ATP2B3: variants seen among roughly 807,000 people sequenced by gnomAD.
ATP2B3 encodes plasma membrane calcium-transporting ATPase 3.
ATP2B3 carries 12 observed loss-of-function variants against 70.8 expected under a neutral mutation model. That is an observed-to-expected ratio of 0.17 (90% CI 0.11 to 0.27). ATP2B3 has a LOEUF of 0.27. Among genes scored for constraint, ATP2B3 ranks in the 10% least tolerant of loss-of-function variants. The probability of loss-of-function intolerance (pLI) is 1.00; values close to 1 mark genes in which losing one functional copy is unlikely to be tolerated. For synonymous variants in ATP2B3, 460 were observed against 497.8 expected (o/e 0.92, Z 1.01); for missense variants, 858 against 1,118.5 (o/e 0.77, Z 3.32).
chrX:153,554,938 C>T (rs1603086895), intron 13 of ATP2B3, among the ~76,000 whole-genome samples: 1 of 112,177 alleles, frequency 8.9e-6, no homozygotes, highest in East Asian at 2.8e-4. Flanking sequence ...GGCCTGGGTT[C>T]GCAGCTGCTG....
chrX:153,543,816 T>C (rs2090323469), intron 7 of ATP2B3, among the ~76,000 whole-genome samples: 1 of 113,046 alleles, frequency 8.8e-6, no homozygotes, highest in Non-Finnish European at 1.9e-5. Flanking sequence ...GCAGCCTTGC[T>C]CTGGCCTGGA....
intron 2 of ATP2B3, among the ~76,000 whole-genome samples, chrX:153,519,646 G>A (rs1466320706): frequency 8.9e-6 from 1 of 112,826 alleles, no homozygotes; most frequent in African/African-American, 3.2e-5. Context: ...GAACGGGCTG[G>A]GAACTTGTGG....
At chrX:153,527,051 G>A (rs906312804) in intron 2 of ATP2B3, among the ~76,000 whole-genome samples, 40 of 112,308 alleles carry the variant, frequency 3.6e-4, no homozygotes, top group African/African-American at 1.2e-3. Flanking sequence ...CTTAGCCCAG[G>A]GCCCACAGCC....
At chrX:153,558,751 G>A (rs1393987844) in intron 17 of ATP2B3, among the ~76,000 whole-genome samples, 1 of 112,176 alleles carries the variant, frequency 8.9e-6, no homozygotes. Flanking sequence ...CATAGGGCAG[G>A]ACTTTCTGCC....
intron 3 of ATP2B3, among the ~76,000 whole-genome samples, chrX:153,539,385 G>A (rs1459066521): frequency 8.9e-6 from 1 of 112,961 alleles, no homozygotes; most frequent in Non-Finnish European, 1.9e-5. Flanking sequence ...TGGGGAGGAC[G>A]CCATGTGGCC....
chrX:153,529,518 C>T (rs782414014), intron 2 of ATP2B3, among the ~76,000 whole-genome samples: 4 of 112,187 alleles, frequency 3.6e-5, no homozygotes, highest in Admixed American at 2.8e-4. Context: ...GGACACAGGG[C>T]GAAGTGGCTG....
At chrX:153,548,037 C>G in intron 9 of ATP2B3, 38 bp downstream of exon 9, 1 of 1,174,636 alleles carries the variant, frequency 8.5e-7, no homozygotes. Flanking sequence ...AGGCCATTGA[C>G]TGGGCGTGGA....
At chrX:153,567,363 A>G (rs1557018504) in intron 21 of ATP2B3, among the ~76,000 whole-genome samples, 2 of 113,220 alleles carry the variant, frequency 1.8e-5, no homozygotes, top group Non-Finnish European at 3.7e-5. Context: ...GACCATGCCT[A>G]TGGGCCCCCC....
At chrX:153,577,261 G>T (rs2090869340) in intron 21 of ATP2B3, among the ~76,000 whole-genome samples, 2 of 113,043 alleles carry the variant, frequency 1.8e-5, no homozygotes, top group African/African-American at 6.4e-5. Context: ...CTGGAAGGAA[G>T]GGCTGGCTCC....
At chrX:153,539,092 G>A (rs370087290) in intron 3 of ATP2B3, among the ~76,000 whole-genome samples, 8 of 112,532 alleles carry the variant, frequency 7.1e-5, no homozygotes, top group Non-Finnish European at 1.5e-4. Context: ...CGGTTAGCAC[G>A]TGCTTCTTCT....
intron 12 of ATP2B3, 107 bp downstream of exon 12, chrX:153,550,393 G>A (rs2090439068): frequency 1.4e-5 from 15 of 1,110,882 alleles, no homozygotes; most frequent in South Asian, 2.1e-5. Context: ...ACTTTACAGT[G>A]TACAGTTGAA....
intron 12 of ATP2B3, among the ~76,000 whole-genome samples, chrX:153,552,635 G>A (rs919188985): frequency 1.2e-4 from 14 of 112,622 alleles, no homozygotes; most frequent in African/African-American, 4.5e-4. Flanking sequence ...ACATGCTCCT[G>A]CCTCCCTCCC....
At chrX:153,566,337 C>T (rs1418691236) in intron 21 of ATP2B3, among the ~76,000 whole-genome samples, 2 of 112,979 alleles carry the variant, frequency 1.8e-5, no homozygotes, top group Non-Finnish European at 3.8e-5. Context: ...GCTGCGGAGC[C>T]AGGGCCCGCC....
In ATP2B3 at chrX:153,580,364, G is replaced by GCA; in HGVS notation, c.*68_*69dup. 4 of 1,028,191 alleles carry GCA rather than the reference G, an allele frequency of 3.9e-6. No individual in the cohort carries two copies. The highest frequency in any genetic ancestry group is 5.3e-6 in the Non-Finnish European group (4 of 750,655). 84.7% of individuals were successfully genotyped at this position (1,028,191 alleles called of 1,213,427 possible). On this transcript the variant is annotated 3_prime_UTR_variant, in exon 22 of 22. Coordinates refer to ENST00000263519, the MANE Select transcript of ATP2B3 (RefSeq NM_001001344.3). ...CTCACACGAAGTCACACGCACACAT[G>GCA]CACGCACACACACATATGGGGACCT...
chrX:153,574,490 G>A (rs1381636443), intron 21 of ATP2B3, among the ~76,000 whole-genome samples: 1 of 111,674 alleles, frequency 9.0e-6, no homozygotes, highest in Non-Finnish European at 1.9e-5. Flanking sequence ...TGAGCAGAGA[G>A]CATGGAGCCC....
chrX:153,551,249 T>C (rs2090452918), intron 12 of ATP2B3, among the ~76,000 whole-genome samples: 1 of 112,119 alleles, frequency 8.9e-6, no homozygotes, highest in Non-Finnish European at 1.9e-5. Context: ...ACAATGCTGA[T>C]GGGGGCCATC....
At chrX:153,519,786 G>A (rs1180258682) in intron 2 of ATP2B3, among the ~76,000 whole-genome samples, 1 of 112,580 alleles carries the variant, frequency 8.9e-6, no homozygotes, top group Non-Finnish European at 1.9e-5. Context: ...GAGTAGGCAT[G>A]CTCTCACACA....
chrX:153,548,437 G>A (rs1052153769), intron 9 of ATP2B3, among the ~76,000 whole-genome samples: 6 of 111,555 alleles, frequency 5.4e-5, no homozygotes, highest in Non-Finnish European at 1.1e-4. Context: ...CTCCAGAAGA[G>A]GCCACACAGA....
intron 7 of ATP2B3, among the ~76,000 whole-genome samples, chrX:153,544,099 T>C (rs1036476242): frequency 1.8e-5 from 2 of 112,493 alleles, no homozygotes; most frequent in African/African-American, 6.5e-5. Context: ...GGCCTGTGTC[T>C]CCCTGCACCG....
Sources: gnomAD v4.1 joint callset for allele counts (sites outside exome capture counted in the v4.1 genomes callset) on GRCh38, gnomAD v4.1.1 for gene constraint, MANE v1.5 for transcripts, NCBI Gene and HGNC (gene_info 2026-07-23, HGNC 2026-07-21) for gene names.